FTO: variants seen among roughly 807,000 people sequenced by gnomAD.
The protein encoded by FTO is alpha-ketoglutarate-dependent dioxygenase FTO.
Under a neutral mutation model 63.9 loss-of-function variants are expected in FTO, and 47 were observed. The observed-to-expected ratio is 0.74, with a 90% CI of 0.58 to 0.94. The LOEUF (loss-of-function observed/expected upper bound fraction) is 0.94, where lower values mean the gene tolerates loss of function less well. Among genes scored for constraint, FTO ranks in the 40% least tolerant of loss-of-function variants. The pLI, the probability that FTO is intolerant of heterozygous loss-of-function variation, is 0.00. For synonymous variants in FTO, 207 were observed against 224.4 expected, an observed-to-expected ratio of 0.92 and a Z score of 0.69; for missense variants, 562 against 618.1, an observed-to-expected ratio of 0.91 and a Z score of 0.96.
chr16:53,932,276 C>G (rs1183733451), intron 7 of FTO, among the ~76,000 whole-genome samples: 1 of 152,118 alleles, frequency 6.6e-6, no homozygotes, highest in Admixed American at 6.5e-5. Context: ...GGGTCCTTTT[C>G]CTGGCTAGTG....
At chr16:53,917,008 AG>A (rs1484227028) in intron 7 of FTO, among the ~76,000 whole-genome samples, 1 of 152,180 alleles carries the variant, frequency 6.6e-6, no homozygotes, top group Non-Finnish European at 1.5e-5. Context: ...AGTCACCAGA[AG>A]TCCAGTCACC....
intron 2 of FTO, 104 bp downstream of exon 2, chr16:53,810,321 G>C: frequency 1.3e-6 from 1 of 783,972 alleles, no homozygotes; most frequent in Non-Finnish European, 2.3e-6. Context: ...CAGGTGAAAA[G>C]GTCAAATTAG....
chr16:53,720,019 T>G (rs2076000115), intron 1 of FTO, among the ~76,000 whole-genome samples: 1 of 152,126 alleles, frequency 6.6e-6, no homozygotes, highest in Admixed American at 6.5e-5. Flanking sequence ...ATGAATACCC[T>G]GAATTCCCCC....
chr16:54,111,164 T>TC (rs1295928766), intron 8 of FTO, among the ~76,000 whole-genome samples: 3 of 152,216 alleles, frequency 2.0e-5, no homozygotes, highest in Admixed American at 1.3e-4. Context: ...TGCAAGTTTT[T>TC]CCCACCTCTT....
chr16:53,716,144 T>G (rs572488475), intron 1 of FTO, among the ~76,000 whole-genome samples: 1 of 152,322 alleles, frequency 6.6e-6, no homozygotes, highest in South Asian at 2.1e-4. Flanking sequence ...TGACATCCAC[T>G]TTGAGACTTG....
intron 8 of FTO, among the ~76,000 whole-genome samples, chr16:54,035,370 A>G (rs2084921352): frequency 6.6e-6 from 1 of 152,228 alleles, no homozygotes; most frequent in East Asian, 1.9e-4. Flanking sequence ...CATGCGGAGT[A>G]TCTCAGCTGA....
chr16:53,738,670 A>G (rs1047207499), intron 1 of FTO, among the ~76,000 whole-genome samples: 24 of 152,126 alleles, frequency 1.6e-4, no homozygotes, highest in African/African-American at 5.6e-4. Flanking sequence ...AGGAACTGCC[A>G]AACTGTTTTC....
chr16:53,720,797 C>A (rs1357159727), intron 1 of FTO, among the ~76,000 whole-genome samples: 1 of 150,272 alleles, frequency 6.7e-6, no homozygotes, highest in African/African-American at 2.4e-5. Flanking sequence ...TTCTTTTTTT[C>A]TTTGAGACAG....
Position 53,953,158 on chromosome 16 carries a change from C to A in FTO, c.1364+19049C>A, listed in dbSNP as rs543638154. ...GAAAGAATGTATACTTTTGTCATTT[C>A]GACTTGAAGCCAGGGGCTAAAACTC... On this transcript the variant is annotated intron_variant, in intron 8 of 8. Transcript: ENST00000471389. Among the ~76,000 whole-genome samples, 9 of 152,274 alleles carry A rather than the reference C, an allele frequency of 5.9e-5. No homozygotes were observed. In the East Asian group the frequency reaches 1.7e-3, roughly 29 times the overall value.
intron 2 of FTO, among the ~76,000 whole-genome samples, chr16:53,819,805 C>T (rs1334391228): frequency 6.6e-6 from 1 of 152,066 alleles, no homozygotes; most frequent in Admixed American, 6.6e-5. Flanking sequence ...ATACAACCAT[C>T]ATCACAGTAG....
intron 1 of FTO, among the ~76,000 whole-genome samples, chr16:53,749,301 C>T (rs113965739): frequency 2.0e-5 from 3 of 151,978 alleles, no homozygotes; most frequent in South Asian, 2.1e-4. Context: ...TATTTGGATG[C>T]TTTTTTTCTC....
At chr16:54,065,274 C>T (rs1431076712) in intron 8 of FTO, among the ~76,000 whole-genome samples, 4 of 152,004 alleles carry the variant, frequency 2.6e-5, no homozygotes, top group South Asian at 4.2e-4. Context: ...CTTCTGCCTC[C>T]GCCTTCCCAG....
intron 1 of FTO, among the ~76,000 whole-genome samples, chr16:53,775,979 G>T (rs2077450326): frequency 6.6e-6 from 1 of 152,034 alleles, no homozygotes; most frequent in Non-Finnish European, 1.5e-5. Flanking sequence ...TTGATTTGTT[G>T]ATTTTTCATG....
chr16:53,718,747 A>G (rs1357712399), intron 1 of FTO, among the ~76,000 whole-genome samples: 2 of 152,170 alleles, frequency 1.3e-5, no homozygotes, highest in African/African-American at 4.8e-5. Flanking sequence ...ACTTCTACTG[A>G]TAAAATGTAA....
intron 3 of FTO, among the ~76,000 whole-genome samples, chr16:53,837,469 G>A (rs557637629): frequency 5.9e-5 from 9 of 152,064 alleles, no homozygotes; most frequent in African/African-American, 1.4e-4. Context: ...ATCTGAGAGC[G>A]GCTTCTTGTT....
chr16:54,051,304 A>T (rs551847098), intron 8 of FTO, among the ~76,000 whole-genome samples: 1 of 152,220 alleles, frequency 6.6e-6, no homozygotes, highest in Non-Finnish European at 1.5e-5. Flanking sequence ...ATCCTCCACT[A>T]TAAGGAGAAA....
chr16:53,948,568 G>C (rs945923663), intron 8 of FTO, among the ~76,000 whole-genome samples: 1 of 152,244 alleles, frequency 6.6e-6, no homozygotes, highest in Non-Finnish European at 1.5e-5. Flanking sequence ...TTTGTCTCAA[G>C]TGGGCAGCCA....
At chr16:53,924,002 A>T (rs753403989) in intron 7 of FTO, among the ~76,000 whole-genome samples, 18 of 152,184 alleles carry the variant, frequency 1.2e-4, no homozygotes, top group Non-Finnish European at 1.5e-5. Context: ...CTTTGGGGAA[A>T]AAACAAAAAT....
chr16:53,768,525 GC>G (rs1000015611), intron 1 of FTO, among the ~76,000 whole-genome samples: 10 of 152,160 alleles, frequency 6.6e-5, no homozygotes, highest in Non-Finnish European at 1.2e-4. Context: ...AGAAGATGAT[GC>G]CGGGGGATCT....
Sources: allele counts gnomAD v4.1 joint callset (sites outside exome capture counted in the v4.1 genomes callset), GRCh38; gene constraint gnomAD v4.1.1; transcripts MANE v1.5; gene names NCBI Gene and HGNC (gene_info 2026-07-23, HGNC 2026-07-21).